The following EPS15 variants were observed in gnomAD, a reference collection of about 807,000 sequenced individuals.
The protein encoded by EPS15 is epidermal growth factor receptor pathway substrate 15.
A neutral mutation model predicts 113.8 loss-of-function variants in EPS15; 72 were observed. That is an observed-to-expected ratio of 0.63 (90% CI 0.52 to 0.77). The LOEUF (loss-of-function observed/expected upper bound fraction) is 0.77. EPS15 is among the 30% of genes least tolerant of loss of function. The pLI, the probability that EPS15 is intolerant of heterozygous loss-of-function variation, is 0.00. For missense variants in EPS15, 1,048 were observed against 1,045.8 expected (o/e 1.00, Z -0.03); for synonymous variants, 344 against 363.4 (o/e 0.95, Z 0.61).
intron 8 of EPS15, among the ~76,000 whole-genome samples, chr1:51,450,928 T>C (rs1653494865): frequency 6.6e-6 from 1 of 151,744 alleles, no homozygotes; most frequent in Non-Finnish European, 1.5e-5. Flanking sequence ...ACAAAGAACA[T>C]TGTGTGTCTT....
chr1:51,356,849 G>A lies in EPS15; in HGVS notation c.2545-3C>T, dbSNP rs764663777. On this transcript the variant is annotated splice_region_variant and splice_polypyrimidine_tract_variant and intron_variant, in intron 24 of 24. Transcript: ENST00000371733. ...ATCATATCTTCTTCAGAGGGATACT[G>A]CCATTTAAAAGATCGATGAACAAAC... 1.2e-6 allele frequency: 2 copies of A among 1,602,228 alleles called. No individual in the cohort carries two copies. The highest frequency in any genetic ancestry group is 3.5e-5 in the Admixed American group (2 of 56,918).
At chr1:51,493,578 A>AT (rs1644278528) in intron 1 of EPS15, among the ~76,000 whole-genome samples, 1 of 148,746 alleles carries the variant, frequency 6.7e-6, no homozygotes, top group Non-Finnish European at 1.5e-5. Context: ...ATAAATAAAT[A>AT]AAAATAAAGC....
At chr1:51,360,572 C>G (rs182534584) in intron 24 of EPS15, among the ~76,000 whole-genome samples, 4 of 152,188 alleles carry the variant, frequency 2.6e-5, no homozygotes, top group Non-Finnish European at 4.4e-5. Context: ...TGAATTAGGG[C>G]CCTCCAAATA....
At chr1:51,495,352 TA>T (rs1209445427) in intron 1 of EPS15, among the ~76,000 whole-genome samples, 3 of 151,074 alleles carry the variant, frequency 2.0e-5, no homozygotes, top group Admixed American at 6.6e-5. Context: ...TTTTTATTTT[TA>T]TTTTTTTTTT....
intron 1 of EPS15, among the ~76,000 whole-genome samples, chr1:51,516,004 CTTTTT>C (rs140135600): frequency 1.4e-5 from 2 of 147,656 alleles, no homozygotes; most frequent in South Asian, 4.3e-4. Context: ...CTATTGGAAA[CTTTTT>C]TTTTTTAAGT....
intron 12 of EPS15, among the ~76,000 whole-genome samples, chr1:51,422,903 G>A (rs943704233): frequency 8.5e-5 from 13 of 152,186 alleles, no homozygotes; most frequent in African/African-American, 2.4e-4. Flanking sequence ...TTTCTCCTTC[G>A]AGCTTCAAGA....
chr1:51,388,059 T>C (rs991987803), intron 21 of EPS15, among the ~76,000 whole-genome samples: 9,157 of 151,630 alleles, frequency 0.06, 295 homozygotes, highest in Non-Finnish European at 0.073. Context: ...AAATTGACCA[T>C]GTAGTTGGAA....
intron 24 of EPS15, among the ~76,000 whole-genome samples, chr1:51,360,942 C>A (rs967002854): frequency 6.6e-6 from 1 of 152,112 alleles, no homozygotes; most frequent in African/African-American, 2.4e-5. Context: ...TACAAAACAA[C>A]TTGTGTATAT....
intron 2 of EPS15, among the ~76,000 whole-genome samples, chr1:51,476,331 T>A (rs1478649143): frequency 6.6e-6 from 1 of 152,258 alleles, no homozygotes; most frequent in Non-Finnish European, 1.5e-5. Flanking sequence ...TTCCTATCCA[T>A]GAGTATGGAA....
intron 21 of EPS15, among the ~76,000 whole-genome samples, chr1:51,378,950 T>C (rs976275824): frequency 6.6e-6 from 1 of 152,066 alleles, no homozygotes; most frequent in African/African-American, 2.4e-5. Context: ...CTCCCCAACT[T>C]TGAGGGAAGA....
chr1:51,385,553 T>A (rs368368034), intron 21 of EPS15, among the ~76,000 whole-genome samples: 2 of 152,200 alleles, frequency 1.3e-5, no homozygotes, highest in Non-Finnish European at 2.9e-5. Context: ...ATTCTACTTT[T>A]AGAATTATAC....
chr1:51,435,666 T>C (rs1304440927), intron 12 of EPS15, among the ~76,000 whole-genome samples: 2 of 152,232 alleles, frequency 1.3e-5, no homozygotes, highest in African/African-American at 4.8e-5. Context: ...AACTAGCCTA[T>C]TCCTCGGTGT....
intron 12 of EPS15, chr1:51,422,169 T>G (rs1217284187): frequency 1.8e-6 from 1 of 562,042 alleles, no homozygotes; most frequent in East Asian, 6.0e-5. Flanking sequence ...ATGGAAATAG[T>G]GTCCAATGAA....
chr1:51,385,094 C>G (rs1647032246), intron 21 of EPS15, among the ~76,000 whole-genome samples: 1 of 152,068 alleles, frequency 6.6e-6, no homozygotes, highest in Non-Finnish European at 1.5e-5. Context: ...TGAGCTACAT[C>G]AAAATTAAAA....
intron 12 of EPS15, 138 bp from the exon 13 acceptor site, chr1:51,421,996 T>C: frequency 1.5e-6 from 2 of 1,350,728 alleles, no homozygotes; most frequent in East Asian, 2.8e-5. Context: ...CAGATTTTTC[T>C]ACCCTCTTTC....
chr1:51,396,880 C>CT (rs570495610), intron 20 of EPS15, among the ~76,000 whole-genome samples: 3,366 of 145,032 alleles, frequency 0.023, 29 homozygotes, highest in Middle Eastern at 0.037. Context: ...CTTAATCTAT[C>CT]TTTTTTTTTT....
At chr1:51,485,845 T>C (rs1388702659) in intron 1 of EPS15, among the ~76,000 whole-genome samples, 1 of 152,106 alleles carries the variant, frequency 6.6e-6, no homozygotes, top group Non-Finnish European at 1.5e-5. Context: ...TCGCCCAGGG[T>C]GGAGTGCAAT....
At position 51,410,882 on chromosome 1, in the gene EPS15, G is replaced by C. The variant is rs143968023; in HGVS notation, c.1114-1186C>G. On this transcript the variant is annotated intron_variant, in intron 13 of 24. Coordinates refer to ENST00000371733, the MANE Select transcript of EPS15 (RefSeq NM_001981.3). ...TTAAAATGTGCTAGGTTGTGCTCTA[G>C]GCTCTTTAAATATACTAACTTATTT... 3.0e-4 allele frequency among the ~76,000 whole-genome samples: 45 copies of C among 152,282 alleles called. 1 individual carries two copies. Among genetic ancestry groups the C allele is most frequent in the African/African-American group, 1.0e-3 (43 of 41,556 alleles).
At chr1:51,373,950 T>C (rs1646724078) in intron 21 of EPS15, among the ~76,000 whole-genome samples, 1 of 152,088 alleles carries the variant, frequency 6.6e-6, no homozygotes, top group Non-Finnish European at 1.5e-5. Flanking sequence ...AGACTCCGTC[T>C]CCAAAAAAAA....
Sources: allele counts gnomAD v4.1 joint callset (sites outside exome capture counted in the v4.1 genomes callset), GRCh38; gene constraint gnomAD v4.1.1; transcripts MANE v1.5; gene names NCBI Gene and HGNC (gene_info 2026-07-23, HGNC 2026-07-21).